The following TMEM255B variants were observed in gnomAD, a reference collection of about 807,000 sequenced individuals.
The protein encoded by TMEM255B is family with sequence similarity 70, member B.
In TMEM255B, 35 loss-of-function variants were observed where a neutral mutation model predicts 34.5. The observed-to-expected ratio is 1.01, with a 90% CI of 0.77 to 1.34. The LOEUF is 1.34. Ranked by LOEUF, TMEM255B falls within the 40% of genes most tolerant of loss-of-function variation. The pLI, the probability that TMEM255B is intolerant of heterozygous loss-of-function variation, is 0.00. For synonymous variants in TMEM255B, 206 were observed against 201.2 expected (o/e 1.02, Z -0.20); for missense variants, 432 against 433.2 (o/e 1.00, Z 0.02).
intron 7 of TMEM255B, among the ~76,000 whole-genome samples, chr13:113,803,741 G>A (rs1186780786): frequency 3.9e-5 from 6 of 152,158 alleles, no homozygotes; most frequent in Non-Finnish European, 7.4e-5. Context: ...GCAGAAGCAC[G>A]GCCTCCTGCA....
intron 1 of TMEM255B, 22 bp from the exon 2 acceptor site, chr13:113,766,093 G>T (rs1204489054): frequency 6.2e-7 from 1 of 1,613,400 alleles, no homozygotes; most frequent in South Asian, 1.1e-5. Flanking sequence ...TCACTGACAG[G>T]TCCTCGCCTT....
intron 3 of TMEM255B, among the ~76,000 whole-genome samples, chr13:113,785,691 CG>C (rs1222871386): frequency 1.3e-5 from 2 of 152,186 alleles, no homozygotes; most frequent in Non-Finnish European, 2.9e-5. Context: ...GAAGTAGGAA[CG>C]GTTGCCGCTG....
At chr13:113,778,274 C>T (rs1358934266) in intron 3 of TMEM255B, among the ~76,000 whole-genome samples, 1 of 152,226 alleles carries the variant, frequency 6.6e-6, no homozygotes, top group Non-Finnish European at 1.5e-5. Flanking sequence ...TATGTCATCT[C>T]CCAGCAAGAT....
intron 6 of TMEM255B, 59 bp from the exon 7 acceptor site, chr13:113,801,594 T>C: frequency 6.6e-7 from 1 of 1,525,054 alleles, no homozygotes; most frequent in Non-Finnish European, 8.8e-7. Context: ...GGACACAAGT[T>C]TAACTTGCGG....
intron 1 of TMEM255B, among the ~76,000 whole-genome samples, chr13:113,759,869 A>C (rs988273561): frequency 6.6e-6 from 1 of 152,020 alleles, no homozygotes; most frequent in Non-Finnish European, 1.5e-5. Context: ...GGAATCTCCA[A>C]TTCTTCCACT....
At position 113,814,893 on chromosome 13, in the gene TMEM255B, C is replaced by A. The variant is rs1396989818; in HGVS notation, c.*2990C>A. ...TGGGGGGTTTGGGGGTGCTGTGGCCCCGGGGCAGGGGGTGCTGGGGGGTTT... is the reference window on the plus strand; with the variant it reads ...TGGGGGGTTTGGGGGTGCTGTGGCCACGGGGCAGGGGGTGCTGGGGGGTTT... On this transcript the variant is annotated 3_prime_UTR_variant, in exon 9 of 9. Transcript: ENST00000375353. 1 of 146,854 alleles carries A rather than the reference C, an allele frequency of 6.8e-6. No homozygotes were observed. The highest frequency in any genetic ancestry group is 2.5e-5 in the African/African-American group (1 of 39,698). 9.1% of individuals were successfully genotyped at this position (146,854 alleles called of 1,614,324 possible). A position where few individuals can be genotyped will look rare whatever the true frequency, so the allele number is the denominator to read the frequency against.
intron 6 of TMEM255B, 130 bp from the exon 7 acceptor site, chr13:113,801,522 TG>T (rs1289042580): frequency 1.8e-5 from 19 of 1,071,586 alleles, no homozygotes; most frequent in African/African-American, 3.2e-5. Flanking sequence ...AGTGCAGGGA[TG>T]GGCGTTGACT....
intron 3 of TMEM255B, among the ~76,000 whole-genome samples, chr13:113,777,886 C>G (rs2050605510): frequency 6.6e-6 from 1 of 152,238 alleles, no homozygotes; most frequent in African/African-American, 2.4e-5. Flanking sequence ...CATTCACCAC[C>G]TGAAGCCATT....
chr13:113,792,128 CTG>C (rs976460562), intron 3 of TMEM255B, among the ~76,000 whole-genome samples: 3 of 152,246 alleles, frequency 2.0e-5, no homozygotes, highest in African/African-American at 7.2e-5. Context: ...TCTGAGCCGT[CTG>C]TGTGTGTTTT....
At position 113,811,837 on chromosome 13, in the gene TMEM255B, G is replaced by A; in HGVS notation, c.915G>A (p.Gln305=). 6.2e-7 allele frequency: 1 copy of A among 1,613,960 alleles called. No individual in the cohort carries two copies. Among genetic ancestry groups the A allele is most frequent in the Non-Finnish European group, 8.5e-7 (1 of 1,179,902 alleles). The change falls in exon 9 of 9, where the codon CAG becomes CAA. Residue 305 remains glutamine (Q), a synonymous_variant. Transcript: ENST00000375353. ...GCTCTGGCTCTGGGCTTCCCGGCCA[G>A]GCTCCACCGTGCTACGCACCCACCT... ...PSSSGSGLPG[Q]APPCYAPTYF...
At chr13:113,763,598 A>G (rs570574037) in intron 1 of TMEM255B, among the ~76,000 whole-genome samples, 1 of 152,250 alleles carries the variant, frequency 6.6e-6, no homozygotes, top group Non-Finnish European at 1.5e-5. Context: ...AATGTTTTAA[A>G]AAGTACATAG....
At position 113,769,972 on chromosome 13, in the gene TMEM255B, G is replaced by A. The variant is rs545311801; in HGVS notation, c.252+812G>A. 2.9e-3 allele frequency among the ~76,000 whole-genome samples: 435 copies of A among 152,160 alleles called. 5 individuals carry two copies. Among genetic ancestry groups the A allele is most frequent in the East Asian group, 1.3e-3 (7 of 5,186 alleles). ...ATCCAGCGTGCAAATGACCTGTGTC[G>A]GGCCCCCAACCCCTGCCTGTTCCCA... On this transcript the variant is annotated intron_variant, in intron 3 of 8. Transcript: ENST00000375353. This position sits in a 1 kb window ranked among gnomAD's most constrained non-coding sequence, Gnocchi z 4.2.
chr13:113,763,211 A>G (rs1419936727), intron 1 of TMEM255B, among the ~76,000 whole-genome samples: 1 of 152,246 alleles, frequency 6.6e-6, no homozygotes, highest in Non-Finnish European at 1.5e-5. Context: ...CCCAATCCAT[A>G]GATGGTGTTA....
chr13:113,760,580 G>T (rs1434563741), intron 1 of TMEM255B, among the ~76,000 whole-genome samples: 2 of 152,016 alleles, frequency 1.3e-5, no homozygotes, highest in African/African-American at 4.8e-5. Context: ...GGTGTGTCTG[G>T]GGTTGGATTA....
chr13:113,792,889 G>A (rs1025324958), intron 3 of TMEM255B, among the ~76,000 whole-genome samples: 3 of 152,258 alleles, frequency 2.0e-5, no homozygotes, highest in African/African-American at 7.2e-5. Context: ...CGTGAGACGC[G>A]GGAAGGGCGG....
Position 113,794,903 on chromosome 13 carries a change from G to A in TMEM255B, c.253-245G>A, listed in dbSNP as rs374382167. 1.4e-3 allele frequency among the ~76,000 whole-genome samples: 214 copies of A among 152,356 alleles called. 3 individuals are homozygous for A. Among genetic ancestry groups the A allele is most frequent in the East Asian group, 2.7e-3 (14 of 5,178 alleles). ...TCTCAGAGGCGCGTGCCGAGGGCCC[G>A]GGGATGGCAACGCCCTTCCGTGCAG... On this transcript the variant is annotated intron_variant, in intron 3 of 8. Transcript: ENST00000375353.
At chr13:113,796,662 G>A (rs2050947108) in intron 4 of TMEM255B, among the ~76,000 whole-genome samples, 1 of 152,188 alleles carries the variant, frequency 6.6e-6, no homozygotes, top group African/African-American at 2.4e-5. Context: ...AGCCTCCGGT[G>A]GGCTGCGCCA....
At chr13:113,760,196 G>C (rs1375882560) in intron 1 of TMEM255B, among the ~76,000 whole-genome samples, 1 of 152,126 alleles carries the variant, frequency 6.6e-6, no homozygotes, top group Admixed American at 6.5e-5. Flanking sequence ...CTTTTACTGC[G>C]GCATCGTTCG....
rs954889346 is a variant in TMEM255B, at chr13:113,779,335, G to A, written c.252+10175G>A. 2.6e-5 allele frequency among the ~76,000 whole-genome samples: 4 copies of A among 152,152 alleles called. No individual in the cohort carries two copies. In the East Asian group the frequency reaches 7.7e-4, roughly 29 times the overall value. On this transcript the variant is annotated intron_variant, in intron 3 of 8. Coordinates refer to ENST00000375353, the MANE Select transcript of TMEM255B (RefSeq NM_182614.4). ...GGACGAGGGGTGATGTGTTCTTTCT[G>A]GCTACTTCCTGCTGAGAGAGAGTGG...
Sources: allele counts gnomAD v4.1 joint callset (sites outside exome capture counted in the v4.1 genomes callset), GRCh38; gene constraint gnomAD v4.1.1; non-coding constraint Gnocchi (gnomAD v3.1); transcripts MANE v1.5; gene names NCBI Gene and HGNC (gene_info 2026-07-23, HGNC 2026-07-21).